The following SCG3 variants were observed in gnomAD, a reference collection of about 807,000 sequenced individuals.
SCG3 encodes the protein secretogranin III, also known as secretogranin-3.
SCG3 carries 38 observed loss-of-function variants against 56.2 expected under a neutral mutation model. The ratio of observed to expected loss-of-function variants is 0.68; its 90% confidence interval spans 0.52 to 0.89. The LOEUF is 0.89. Ranked by LOEUF, SCG3 falls within the 40% of genes least tolerant of loss-of-function variation. The pLI is 0.00. For synonymous variants in SCG3, 176 were observed against 184.2 expected, an observed-to-expected ratio of 0.96 and a Z score of 0.36; for missense variants, 524 against 540.7, an observed-to-expected ratio of 0.97 and a Z score of 0.31.
intron 10 of SCG3, among the ~76,000 whole-genome samples, chr15:51,711,172 C>T (rs1019848873): frequency 3.3e-5 from 5 of 152,210 alleles, no homozygotes; most frequent in Non-Finnish European, 5.9e-5. Flanking sequence ...CCATTTCATC[C>T]GTCATCAGTT....
In SCG3 at chr15:51,689,308, G is replaced by A. The variant is rs189719461; in HGVS notation, c.630G>A (p.Glu210=). 7 of 1,613,866 alleles carry A rather than the reference G, an allele frequency of 4.3e-6. No homozygotes were observed. The highest frequency in any genetic ancestry group is 1.7e-5 in the Admixed American group (1 of 59,960). The stretch of plus-strand genomic sequence containing the variant: ...CAAAGGAAGCCAACAATTATGAGGA[G>A]GATCCCAATAAGCCCACAAGCTGGA... The part of the protein sequence containing the change: ...LISKEANNYE[E]DPNKPTSWTE... Residue 210 remains glutamate, a synonymous_variant, in exon 6 of 12, where the codon GAG becomes GAA. Transcript: ENST00000220478.
At chr15:51,681,860 C>G in intron 1 of SCG3, 23 bp downstream of exon 1, 13 of 1,594,200 alleles carry the variant, frequency 8.2e-6, no homozygotes, top group Non-Finnish European at 1.1e-5. Flanking sequence ...TTTTCTTCTT[C>G]CTACCTTCCT....
At chr15:51,719,163 G>C (rs533969097) in intron 11 of SCG3, among the ~76,000 whole-genome samples, 1 of 152,350 alleles carries the variant, frequency 6.6e-6, no homozygotes, top group Admixed American at 6.5e-5. Flanking sequence ...GTCAAATGGG[G>C]ATGGTATGAC....
At position 51,681,507 on chromosome 15, in the gene SCG3, G is replaced by A; in HGVS notation, c.-249G>A. The A allele has an allele frequency of 5.7e-6, 3 of 530,002 alleles. No individual in the cohort carries two copies. Among genetic ancestry groups the A allele is most frequent in the East Asian group, 6.2e-5 (2 of 32,078 alleles). 32.8% of individuals were successfully genotyped at this position (530,002 alleles called of 1,614,324 possible). A position where few individuals can be genotyped will look rare whatever the true frequency, so the allele number is the denominator to read the frequency against. On this transcript the variant is annotated 5_prime_UTR_variant, in exon 1 of 12. Coordinates refer to ENST00000220478, the MANE Select transcript of SCG3 (RefSeq NM_013243.4). ...CTGGCGCGCAGTCTCCGCGTCACAG[G>A]AACTTCAGCACCCACAGGGCGGACA...
intron 10 of SCG3, among the ~76,000 whole-genome samples, chr15:51,708,822 G>T (rs1857816770): frequency 6.6e-6 from 1 of 151,668 alleles, no homozygotes; most frequent in African/African-American, 2.4e-5. Context: ...CTGCACCACT[G>T]CACTCCAGCC....
chr15:51,692,028 C>A (rs1403851141), intron 6 of SCG3, 131 bp from the exon 7 acceptor site: 1 of 797,024 alleles, frequency 1.3e-6, no homozygotes, highest in Non-Finnish European at 1.9e-6. Flanking sequence ...GGGTTTGAAC[C>A]TGCAGGAGCT....
intron 9 of SCG3, among the ~76,000 whole-genome samples, chr15:51,700,298 T>C (rs2055330889): frequency 6.6e-6 from 1 of 152,230 alleles, no homozygotes; most frequent in African/African-American, 2.4e-5. Context: ...TTCTTTCTTT[T>C]CTTCCTATTT....
At chr15:51,697,191 T>C (rs2055309390) in intron 8 of SCG3, among the ~76,000 whole-genome samples, 1 of 145,152 alleles carries the variant, frequency 6.9e-6, no homozygotes, top group South Asian at 2.1e-4. Flanking sequence ...TTCTCTTATA[T>C]AACAAAAAAT....
Position 51,701,138 on chromosome 15 carries a change from C to T in SCG3, c.1101C>T (p.Asp367=). Residue 367 remains aspartate (D), a synonymous_variant, in exon 10 of 12, where the codon GAC becomes GAT. Coordinates refer to ENST00000220478, the MANE Select transcript of SCG3 (RefSeq NM_013243.4). ...CAGAGAAGAGTCATGAAGAAACAGA[C>T]AGTACCAAGGAAGAAGCAGCTAAGA... The part of the protein sequence containing the change: ...APSEKSHEET[D]STKEEAAKME... 6.2e-7 allele frequency: 1 copy of T among 1,613,854 alleles called. No individual in the cohort carries two copies. The highest frequency in any genetic ancestry group is 8.5e-7 in the Non-Finnish European group (1 of 1,179,938).
intron 10 of SCG3, chr15:51,713,036 C>G (rs2055430472): frequency 8.0e-6 from 2 of 250,842 alleles, no homozygotes; most frequent in African/African-American, 4.7e-5. Flanking sequence ...AATCAAAACT[C>G]TTCTCTGCCA....
chr15:51,695,628 T>C, intron 7 of SCG3: 1 of 341,744 alleles, frequency 2.9e-6, no homozygotes, highest in Non-Finnish European at 5.2e-6. Context: ...TGTGGTGGTG[T>C]TTACCTATAG....
chr15:51,706,934 G>A (rs1421238686), intron 10 of SCG3, among the ~76,000 whole-genome samples: 1 of 152,104 alleles, frequency 6.6e-6, no homozygotes, highest in Non-Finnish European at 1.5e-5. Flanking sequence ...TTATTCCTAA[G>A]TTTATGGATA....
At chr15:51,688,481 G>C in intron 5 of SCG3, 79 bp downstream of exon 5, 1 of 1,319,178 alleles carries the variant, frequency 7.6e-7, no homozygotes, top group Non-Finnish European at 1.1e-6. Context: ...CTTGCCTCAA[G>C]TAGCCAAGTG....
At chr15:51,704,266 T>TATATATATAC (rs1555457972) in intron 10 of SCG3, among the ~76,000 whole-genome samples, 1 of 135,994 alleles carries the variant, frequency 7.4e-6, no homozygotes, top group Admixed American at 7.3e-5. Context: ...TATATATATA[T>TATATATATAC]ATATATATAT....
Position 51,682,643 on chromosome 15 carries a change from G to T in SCG3, c.135+74G>T. ...TTATTATTTAATGTAATTATGCTGT[G>T]ACATTTTGGTCATTTTGAATTTACA... On this transcript the variant is annotated intron_variant, in intron 2 of 11. Coordinates refer to ENST00000220478, the MANE Select transcript of SCG3 (RefSeq NM_013243.4). The T allele has an allele frequency of 3.3e-6, 3 of 899,056 alleles. No individual in the cohort carries two copies. The South Asian group carries it at 5.1e-5, about 15-fold the overall frequency. The allele number at this position is 899,056 out of a possible 1,614,324, so 55.7% of individuals were successfully genotyped here. A position where few individuals can be genotyped will look rare whatever the true frequency, so the allele number is the denominator to read the frequency against.
chr15:51,713,879 C>T (rs2055436876), intron 11 of SCG3, among the ~76,000 whole-genome samples: 1 of 152,178 alleles, frequency 6.6e-6, no homozygotes, highest in Admixed American at 6.5e-5. Flanking sequence ...CCAGAGATGT[C>T]CCGCCCAAGG....
At chr15:51,683,526 T>G (rs2055209409) in intron 4 of SCG3, 92 bp downstream of exon 4, 1 of 794,116 alleles carries the variant, frequency 1.3e-6, no homozygotes, top group Non-Finnish European at 1.9e-6. Context: ...CTTTTAAACA[T>G]TCATAATCCT....
chr15:51,692,973 G>A (rs1287543645), intron 7 of SCG3, among the ~76,000 whole-genome samples: 2 of 151,856 alleles, frequency 1.3e-5, no homozygotes, highest in African/African-American at 4.8e-5. Context: ...CCACCATGCT[G>A]TACATTCTCC....
rs1306954032 is a variant in SCG3, at chr15:51,713,401, G to A, written c.1276G>A (p.Gly426Arg). 7.5e-6 allele frequency: 12 copies of A among 1,600,178 alleles called. No individual in the cohort carries two copies. Among genetic ancestry groups the A allele is most frequent in the Non-Finnish European group, 9.4e-6 (11 of 1,173,240 alleles). Reference sequence around the variant, plus strand: ...ATGGTTGAAGAAACATGACAAAAAGGGAAATAAAGAAGGTAGGACCAAGTG... The same window carrying A: ...ATGGTTGAAGAAACATGACAAAAAGAGAAATAAAGAAGGTAGGACCAAGTG... ...IEWLKKHDKK[G>R]NKEDYDLSKM... Residue 426 changes from glycine to arginine, a missense_variant, in exon 11 of 12, where the codon GGA becomes AGA. By Grantham distance (125) the Gly-to-Arg change is moderately radical. Coordinates refer to ENST00000220478, the MANE Select transcript of SCG3 (RefSeq NM_013243.4).
Sources: gnomAD v4.1 joint callset for allele counts (sites outside exome capture counted in the v4.1 genomes callset) on GRCh38, gnomAD v4.1.1 for gene constraint, MANE v1.5 for transcripts, NCBI Gene and HGNC (gene_info 2026-07-23, HGNC 2026-07-21) for gene names.